PPP2R2B: variants seen among roughly 807,000 people sequenced by gnomAD.
PPP2R2B encodes protein phosphatase 2 regulatory subunit Bbeta.
PPP2R2B carries 5 observed loss-of-function variants against 46.0 expected under a neutral mutation model. That is an observed-to-expected ratio of 0.11 (90% CI 0.06 to 0.23). The LOEUF is 0.23. Ranked by LOEUF, PPP2R2B falls within the 10% of genes least tolerant of loss-of-function variation. The pLI, the probability that PPP2R2B is intolerant of heterozygous loss-of-function variation, is 1.00. For missense variants in PPP2R2B, 367 were observed against 575.0 expected (o/e 0.64, Z 3.70); for synonymous variants, 215 against 206.7 (o/e 1.04, Z -0.34).
intron 1 of PPP2R2B, among the ~76,000 whole-genome samples, chr5:147,015,452 T>C (rs1184130320): frequency 3.3e-5 from 5 of 151,624 alleles, no homozygotes; most frequent in African/African-American, 7.2e-5. Flanking sequence ...CCCACCTCCA[T>C]ATCTATATTT....
intron 2 of PPP2R2B, among the ~76,000 whole-genome samples, chr5:146,822,104 G>T (rs1049820660): frequency 2.2e-4 from 33 of 152,268 alleles, no homozygotes; most frequent in African/African-American, 7.5e-4. Context: ...TTTGTACTAT[G>T]CTGTGTAGTT....
At chr5:146,683,720 A>C (rs774109524) in intron 5 of PPP2R2B, among the ~76,000 whole-genome samples, 3 of 152,210 alleles carry the variant, frequency 2.0e-5, no homozygotes, top group African/African-American at 2.4e-5. Context: ...GAAACATGTC[A>C]AAACACAAAG....
chr5:146,910,774 A>G lies in PPP2R2B; in HGVS notation c.79+144891T>C, dbSNP rs75653915. On this transcript the variant is annotated intron_variant, in intron 1 of 8. Coordinates refer to the PPP2R2B transcript ENST00000336640. ...TTCTTACTTTTTTAAGAAAATGTAT[A>G]AAATCATATTTTTAAAAAGAATATA... 5.6e-3 allele frequency among the ~76,000 whole-genome samples: 858 copies of G among 152,306 alleles called. 26 individuals carry two copies. The East Asian group carries it at 0.066, about 12-fold the overall frequency.
At chr5:146,693,153 CTTCT>C (rs565046504) in intron 4 of PPP2R2B, among the ~76,000 whole-genome samples, 9 of 151,228 alleles carry the variant, frequency 6.0e-5, no homozygotes, top group African/African-American at 1.7e-4. Flanking sequence ...TTTTTCCTTC[CTTCT>C]TTCTTTCCTT....
At chr5:147,055,553 G>A in intron 1 of PPP2R2B, 2 of 919,312 alleles carry the variant, frequency 2.2e-6, no homozygotes, top group Admixed American at 4.1e-5. Flanking sequence ...CTTTTGCCAG[G>A]AATGACAGTC....
chr5:146,711,028 C>G (rs1037616963), intron 2 of PPP2R2B, among the ~76,000 whole-genome samples: 5 of 152,226 alleles, frequency 3.3e-5, no homozygotes, highest in African/African-American at 1.2e-4. Flanking sequence ...CCCAACACAG[C>G]TCCCTTTATT....
chr5:146,999,061 T>A (rs923229048), intron 1 of PPP2R2B, among the ~76,000 whole-genome samples: 1 of 148,904 alleles, frequency 6.7e-6, no homozygotes, highest in African/African-American at 2.5e-5. Flanking sequence ...GGTTTTGAGA[T>A]CTTTCCTGTG....
intron 1 of PPP2R2B, among the ~76,000 whole-genome samples, chr5:146,993,632 C>T (rs557683808): frequency 6.6e-6 from 1 of 152,090 alleles, no homozygotes; most frequent in Admixed American, 6.5e-5. Context: ...TACACAGAAG[C>T]AGAAATTTAC....
At chr5:146,926,901 G>A (rs1467010052) in intron 1 of PPP2R2B, among the ~76,000 whole-genome samples, 1 of 152,158 alleles carries the variant, frequency 6.6e-6, no homozygotes, top group Non-Finnish European at 1.5e-5. Context: ...GGCTGATGGA[G>A]CTGATGGCCC....
chr5:146,677,195 C>A (rs1040004801), intron 5 of PPP2R2B, among the ~76,000 whole-genome samples: 1 of 152,148 alleles, frequency 6.6e-6, no homozygotes, highest in African/African-American at 2.4e-5. Context: ...TTTGAACTGG[C>A]AAGATAATTG....
chr5:146,706,380 A>G (rs1251932347), intron 2 of PPP2R2B: 4 of 688,626 alleles, frequency 5.8e-6, no homozygotes, highest in Non-Finnish European at 7.6e-6. Context: ...CCATAGGCCA[A>G]GCTCACACCA....
In PPP2R2B at chr5:146,811,231, C is replaced by T. The variant is rs188115976; in HGVS notation, c.70+66771G>A. Among the ~76,000 whole-genome samples the T allele has an allele frequency of 4.8e-3, 732 of 152,306 alleles. 2 individuals are homozygous for T. Among genetic ancestry groups the T allele is most frequent in the Non-Finnish European group, 6.8e-3 (464 of 68,028 alleles). On this transcript the variant is annotated intron_variant, in intron 2 of 9. Transcript: ENST00000394411. ...GCCAGGATTGTCTTGATCTCTTGAC[C>T]TTGTGATCTGTCCACCTCGGCCTCT...
At chr5:146,632,428 C>T (rs182158425) in intron 7 of PPP2R2B, among the ~76,000 whole-genome samples, 20 of 152,310 alleles carry the variant, frequency 1.3e-4, no homozygotes, top group African/African-American at 4.6e-4. Context: ...TACTTTGTTG[C>T]AGCAGCCCTG....
At chr5:146,675,274 T>C (rs756060178) in intron 5 of PPP2R2B, among the ~76,000 whole-genome samples, 2 of 152,222 alleles carry the variant, frequency 1.3e-5, no homozygotes, top group African/African-American at 2.4e-5. Context: ...CTTGGTATTT[T>C]ATACAACATA....
chr5:147,027,547 C>G (rs1392236736), intron 1 of PPP2R2B, among the ~76,000 whole-genome samples: 1 of 150,456 alleles, frequency 6.6e-6, no homozygotes, highest in African/African-American at 2.5e-5. Context: ...GCAGGAGAAT[C>G]GCTTGAACCA....
chr5:146,925,256 G>A (rs1763743794), intron 1 of PPP2R2B, among the ~76,000 whole-genome samples: 1 of 151,992 alleles, frequency 6.6e-6, no homozygotes, highest in Non-Finnish European at 1.5e-5. Flanking sequence ...TTTTTCCTGT[G>A]GATTTGTGCT....
At chr5:146,644,261 A>AAAGAAG (rs771634993) in intron 6 of PPP2R2B, among the ~76,000 whole-genome samples, 9 of 76,100 alleles carry the variant, frequency 1.2e-4, no homozygotes, top group African/African-American at 3.2e-4. Context: ...AAAAAAAAAA[A>AAAGAAG]AAGAAGAAGA....
chr5:146,865,204 C>T (rs1340872724), intron 2 of PPP2R2B, among the ~76,000 whole-genome samples: 1 of 151,978 alleles, frequency 6.6e-6, no homozygotes, highest in Non-Finnish European at 1.5e-5. Context: ...CAGTTTGTGT[C>T]TGGGGCAAAA....
intron 2 of PPP2R2B, among the ~76,000 whole-genome samples, chr5:147,067,580 A>G (rs1449889234): frequency 6.6e-6 from 1 of 152,154 alleles, no homozygotes; most frequent in Admixed American, 6.6e-5. Flanking sequence ...CCACAGGGGA[A>G]CCTGAGTGGT....
Sources: allele counts gnomAD v4.1 joint callset (sites outside exome capture counted in the v4.1 genomes callset), GRCh38; gene constraint gnomAD v4.1.1; transcripts MANE v1.5; gene names NCBI Gene and HGNC (gene_info 2026-07-23, HGNC 2026-07-21).